The following GAS2 variants were observed in gnomAD, a reference collection of about 807,000 sequenced individuals.
GAS2 encodes the protein growth arrest specific 2.
In GAS2, 20 loss-of-function variants were observed where a neutral mutation model predicts 37.5. That is an observed-to-expected ratio of 0.53 (90% confidence interval 0.37 to 0.77). The LOEUF (loss-of-function observed/expected upper bound fraction) is 0.77. Among genes scored for constraint, GAS2 ranks in the 30% least tolerant of loss-of-function variants. The pLI is 0.00. For synonymous variants in GAS2, 144 were observed against 132.2 expected (o/e 1.09, Z -0.61); for missense variants, 336 against 373.4 (o/e 0.90, Z 0.82).
intron 7 of GAS2, among the ~76,000 whole-genome samples, chr11:22,777,747 G>C (rs767153953): frequency 1.3e-5 from 2 of 152,138 alleles, no homozygotes; most frequent in Non-Finnish European, 2.9e-5. Context: ...AATTGTTGGA[G>C]GGCCTTGATA....
chr11:22,638,658 A>C (rs1288827132), intron 1 of GAS2, among the ~76,000 whole-genome samples: 3 of 152,138 alleles, frequency 2.0e-5, no homozygotes, highest in East Asian at 3.8e-4. Flanking sequence ...CTATTATTTT[A>C]AGATATGCAA....
At chr11:22,696,605 T>C (rs909502075) in intron 3 of GAS2, among the ~76,000 whole-genome samples, 38 of 151,978 alleles carry the variant, frequency 2.5e-4, no homozygotes, top group Non-Finnish European at 7.4e-5. Flanking sequence ...CCAGCACCTG[T>C]TGTTTCCTGA....
intron 7 of GAS2, among the ~76,000 whole-genome samples, chr11:22,758,408 A>G (rs528584632): frequency 6.6e-6 from 1 of 152,354 alleles, no homozygotes; most frequent in Non-Finnish European, 1.5e-5. Flanking sequence ...TATTCTATAA[A>G]GTATACATAC....
chr11:22,636,877 A>G (rs1354796289), intron 1 of GAS2, among the ~76,000 whole-genome samples: 2 of 146,530 alleles, frequency 1.4e-5, no homozygotes, highest in Admixed American at 6.9e-5. Context: ...TTTTAAATGA[A>G]AATTTATATT....
At chr11:22,744,658 A>G (rs1853281406) in intron 5 of GAS2, among the ~76,000 whole-genome samples, 2 of 152,140 alleles carry the variant, frequency 1.3e-5, no homozygotes, top group Admixed American at 6.5e-5. Context: ...CCTCAAAAGA[A>G]TAAGAACCAT....
At chr11:22,808,165 AAATC>A (rs1333464430) in intron 7 of GAS2, among the ~76,000 whole-genome samples, 1 of 152,192 alleles carries the variant, frequency 6.6e-6, no homozygotes, top group Non-Finnish European at 1.5e-5. Context: ...CAATGACACA[AAATC>A]AATCAACAAA....
chr11:22,690,800 C>T (rs1368003651), intron 3 of GAS2, among the ~76,000 whole-genome samples: 4 of 152,056 alleles, frequency 2.6e-5, no homozygotes, highest in Non-Finnish European at 5.9e-5. Flanking sequence ...TACATTTATG[C>T]GTGAACTTTC....
In GAS2 at chr11:22,790,325, C is replaced by A. The variant is rs1244737964; in HGVS notation, c.724-21473C>A. Among the ~76,000 whole-genome samples the A allele has an allele frequency of 2.6e-5, 4 of 152,092 alleles. No homozygotes were observed. The East Asian group carries it at 7.7e-4, about 29-fold the overall frequency. ...CGCATTTGTGTATAACAAACCTGCA[C>A]GTTGTGCACATGTACCCTAAAACTT... On this transcript the variant is annotated intron_variant, in intron 7 of 7. Transcript: ENST00000454584.
intron 7 of GAS2, among the ~76,000 whole-genome samples, chr11:22,775,733 G>A (rs1209232026): frequency 6.6e-6 from 1 of 151,728 alleles, no homozygotes; most frequent in African/African-American, 2.4e-5. Context: ...TTAATAAAAA[G>A]CACAGACTAG....
At chr11:22,697,492 T>C (rs1850590636) in intron 3 of GAS2, among the ~76,000 whole-genome samples, 1 of 152,190 alleles carries the variant, frequency 6.6e-6, no homozygotes, top group Admixed American at 6.5e-5. Flanking sequence ...AAGTCATTGG[T>C]AGCTTGATGG....
chr11:22,702,003 A>G (rs1191097619), intron 3 of GAS2, among the ~76,000 whole-genome samples: 1 of 152,170 alleles, frequency 6.6e-6, no homozygotes, highest in Admixed American at 6.5e-5. Context: ...AATGTGTCCT[A>G]TCTTCTTAAA....
At position 22,660,842 on chromosome 11, in the gene GAS2, T is replaced by C. The variant is rs187328036; in HGVS notation, c.-20-14008T>C. 5.3e-5 allele frequency among the ~76,000 whole-genome samples: 8 copies of C among 152,346 alleles called. No homozygotes were observed. The East Asian group carries it at 1.5e-3, about 29-fold the overall frequency. Reference sequence around the variant, plus strand: ...TGACACTGACCCTATTCCCAGGCAGTTCTCTCACTTTGGGCTTGGAGTACT... The same window carrying C: ...TGACACTGACCCTATTCCCAGGCAGCTCTCTCACTTTGGGCTTGGAGTACT... On this transcript the variant is annotated intron_variant, in intron 1 of 5. Coordinates refer to the GAS2 transcript ENST00000528582.
rs532329462 is a variant in GAS2 at position 22,733,329 on chromosome 11, T to C, written c.410-4376T>C. ...AAAGTAGGCAGCCATTAATTTATAA[T>C]ATTTTTATAAGTGAACAACATTTAT... On this transcript the variant is annotated intron_variant, in intron 4 of 7. Coordinates refer to ENST00000454584, the MANE Select transcript of GAS2 (RefSeq NM_001143830.3). 9.2e-5 allele frequency among the ~76,000 whole-genome samples: 14 copies of C among 151,912 alleles called. No homozygotes were observed. The East Asian group carries it at 2.7e-3, about 29-fold the overall frequency.
At chr11:22,791,666 A>G (rs1043325146) in intron 7 of GAS2, among the ~76,000 whole-genome samples, 1 of 152,240 alleles carries the variant, frequency 6.6e-6, no homozygotes, top group African/African-American at 2.4e-5. Context: ...CTTAAAAGAT[A>G]TTGGAACCAA....
intron 1 of GAS2, among the ~76,000 whole-genome samples, chr11:22,643,254 T>G (rs908767190): frequency 2.6e-5 from 4 of 152,006 alleles, no homozygotes. Context: ...GATTAAAATA[T>G]AAAAAAGGAA....
At chr11:22,736,787 A>G (rs1420612058) in intron 4 of GAS2, among the ~76,000 whole-genome samples, 1 of 152,040 alleles carries the variant, frequency 6.6e-6, no homozygotes, top group Non-Finnish European at 1.5e-5. Flanking sequence ...TTAGAATACT[A>G]TGTGTCAGTG....
At chr11:22,722,799 C>G (rs1422590043) in intron 3 of GAS2, among the ~76,000 whole-genome samples, 4 of 151,756 alleles carry the variant, frequency 2.6e-5, no homozygotes, top group Non-Finnish European at 5.9e-5. Flanking sequence ...TTCATTCATT[C>G]ATTCATCTAT....
At position 22,675,010 on chromosome 11, in the gene GAS2, A is replaced by G; in HGVS notation, c.141A>G (p.Leu47=). Residue 47 remains leucine (L), a synonymous_variant, in exon 2 of 8, where the codon CTA becomes CTG. Coordinates refer to ENST00000454584, the MANE Select transcript of GAS2 (RefSeq NM_001143830.3). ...ATCTGGCCTTGTGGTTAACCAATCT[A>G]TTAGGTAAGGTTATAAGATCTCATT... is the stretch of plus-strand genomic sequence containing the variant. ...KEDLALWLTN[L]LGKEITAETF... The G allele has an allele frequency of 1.2e-6, 2 of 1,613,606 alleles. No homozygotes were observed. The highest frequency in any genetic ancestry group is 1.3e-5 in the African/African-American group (1 of 75,040).
intron 3 of GAS2, among the ~76,000 whole-genome samples, chr11:22,687,733 A>C (rs1277038773): frequency 6.6e-6 from 1 of 152,218 alleles, no homozygotes; most frequent in African/African-American, 2.4e-5. Context: ...TGGCCTCTAC[A>C]TCAGCTACTG....
Sources: gnomAD v4.1 joint callset for allele counts (sites outside exome capture counted in the v4.1 genomes callset) on GRCh38, gnomAD v4.1.1 for gene constraint, MANE v1.5 for transcripts, NCBI Gene and HGNC (gene_info 2026-07-23, HGNC 2026-07-21) for gene names.